Variants in ISX observed in about 807,000 individuals in gnomAD.
The protein encoded by ISX is intestine-specific homeobox.
ISX carries 15 observed loss-of-function variants against 16.9 expected under a neutral mutation model. That is an observed-to-expected ratio of 0.89 (90% CI 0.59 to 1.36). The LOEUF is 1.36. Among genes scored for constraint, ISX ranks in the 40% most tolerant of loss-of-function variants. The pLI, the probability that ISX is intolerant of heterozygous loss-of-function variation, is 0.00. For synonymous variants in ISX, 125 were observed against 119.7 expected (o/e 1.04, Z -0.29); for missense variants, 316 against 306.1 (o/e 1.03, Z -0.24).
chr22:35,067,468 C>G (rs550317083), intron 2 of ISX, 152 bp downstream of exon 2: 55 of 623,740 alleles, frequency 8.8e-5, no homozygotes, highest in Non-Finnish European at 1.3e-4. Flanking sequence ...CCTGATATAC[C>G]TTTCAATCTA....
At position 35,066,298 on chromosome 22, in the gene ISX, A is replaced by C. The variant is rs1253236467; in HGVS notation, c.-501A>C. On this transcript the variant is annotated 5_prime_UTR_variant, in exon 1 of 5. Coordinates refer to ENST00000404699, the MANE Select transcript of ISX (RefSeq NM_001303508.2). ...CGCATGTAAAGTGACGTCAGGGAAA[A>C]TAGAACAGAAAAAAAGCCAGGGCCA... 1 of 152,520 alleles carries C rather than the reference A, an allele frequency of 6.6e-6. No homozygotes were observed. The highest frequency in any genetic ancestry group is 1.5e-5 in the Non-Finnish European group (1 of 68,368). 9.4% of individuals were successfully genotyped at this position (152,520 alleles called of 1,614,324 possible).
chr22:35,075,257 T>A (rs989050348), intron 2 of ISX, among the ~76,000 whole-genome samples: 6 of 152,030 alleles, frequency 3.9e-5, no homozygotes, highest in African/African-American at 1.5e-4. Context: ...AAAGGAATAA[T>A]CCTTTGAGAA....
At position 35,066,874 on chromosome 22, in the gene ISX, G is replaced by T. The variant is rs563337377; in HGVS notation, c.-214G>T. Reference sequence around the variant, plus strand: ...ATGTCAAACTGGTAAGGGCTGAGCCGTGGGCACAGGATACCACTCCTTCCA... The same window carrying T: ...ATGTCAAACTGGTAAGGGCTGAGCCTTGGGCACAGGATACCACTCCTTCCA... On this transcript the variant is annotated 5_prime_UTR_variant, in exon 2 of 5. Coordinates refer to ENST00000404699, the MANE Select transcript of ISX (RefSeq NM_001303508.2). The T allele has an allele frequency of 1.8e-6, 1 of 552,584 alleles. No individual in the cohort carries two copies. The allele number at this position is 552,584 out of a possible 1,614,324, so 34.2% of individuals were successfully genotyped here.
At chr22:35,079,774 T>G (rs536762613) in intron 2 of ISX, among the ~76,000 whole-genome samples, 22 of 152,278 alleles carry the variant, frequency 1.4e-4, no homozygotes, top group African/African-American at 4.6e-4. Flanking sequence ...GGGAGAGGGT[T>G]TGTGCCTTTT....
At chr22:35,069,146 G>T (rs1440816910) in intron 2 of ISX, among the ~76,000 whole-genome samples, 1 of 152,142 alleles carries the variant, frequency 6.6e-6, no homozygotes, top group African/African-American at 2.4e-5. Context: ...TATTTATGAT[G>T]AAAGACACTG....
In ISX at chr22:35,071,530, G is replaced by A. The variant is rs578044386; in HGVS notation, c.229+4214G>A. Among the ~76,000 whole-genome samples, 6 of 152,240 alleles carry A rather than the reference G, an allele frequency of 3.9e-5. No individual in the cohort carries two copies. The South Asian group carries it at 1.0e-3, about 26-fold the overall frequency. ...GCCTCCATCTTCTCACAGCCTTGCC[G>A]TGTGTGTTTGTGTGTAATGTCCCTT... On this transcript the variant is annotated intron_variant, in intron 2 of 4. Transcript: ENST00000404699.
chr22:35,076,041 T>G (rs1043223051), intron 2 of ISX, among the ~76,000 whole-genome samples: 1 of 151,780 alleles, frequency 6.6e-6, no homozygotes, highest in Non-Finnish European at 1.5e-5. Context: ...CATAGAAAAT[T>G]TTTTTTTACA....
intron 2 of ISX, among the ~76,000 whole-genome samples, chr22:35,082,006 C>T (rs1337449417): frequency 2.0e-5 from 3 of 152,210 alleles, no homozygotes; most frequent in Admixed American, 2.0e-4. Context: ...CTTTACTTTG[C>T]AGACCAAGAC....
intron 2 of ISX, among the ~76,000 whole-genome samples, chr22:35,069,731 C>T (rs755443707): frequency 1.8e-4 from 27 of 152,302 alleles, no homozygotes; most frequent in Admixed American, 2.6e-4. Flanking sequence ...CCCTGTTTTA[C>T]GTCCCTCCTT....
intron 2 of ISX, among the ~76,000 whole-genome samples, chr22:35,070,002 T>C (rs1928807713): frequency 6.6e-6 from 1 of 152,150 alleles, no homozygotes. Flanking sequence ...TCCCAAATGA[T>C]TCTGATGTTG....
intron 2 of ISX, among the ~76,000 whole-genome samples, chr22:35,073,778 T>A (rs968955914): frequency 1.3e-5 from 2 of 152,238 alleles, no homozygotes; most frequent in African/African-American, 4.8e-5. Context: ...ACTTGAGGTC[T>A]AGGAGCCAGA....
In ISX at chr22:35,086,779, G is replaced by A. The variant is rs1486781309; in HGVS notation, c.*1086G>A. 6.6e-6 allele frequency: 1 copy of A among 152,270 alleles called. No homozygotes were observed. Among genetic ancestry groups the A allele is most frequent in the African/African-American group, 2.4e-5 (1 of 41,464 alleles). The allele number at this position is 152,270 out of a possible 1,614,324, so 9.4% of individuals were successfully genotyped here. On this transcript the variant is annotated 3_prime_UTR_variant, in exon 5 of 5. Transcript: ENST00000404699. ...GCTGCTTTGGATGCCAGCCCAGGAT[G>A]AGTAGTTCCTGTTCTCAGGGAGGTC...
intron 2 of ISX, among the ~76,000 whole-genome samples, chr22:35,076,265 A>G (rs1928977792): frequency 6.6e-6 from 1 of 152,248 alleles, no homozygotes; most frequent in African/African-American, 2.4e-5. Context: ...GACCTGGAAA[A>G]TAAAAGTGCA....
At chr22:35,076,413 T>C (rs551354372) in intron 2 of ISX, among the ~76,000 whole-genome samples, 1 of 152,358 alleles carries the variant, frequency 6.6e-6, no homozygotes, top group East Asian at 1.9e-4. Flanking sequence ...CCTTGTTCCC[T>C]GTGGGCACAG....
At chr22:35,067,970 G>C (rs911860008) in intron 2 of ISX, among the ~76,000 whole-genome samples, 5 of 152,252 alleles carry the variant, frequency 3.3e-5, no homozygotes, top group African/African-American at 1.2e-4. Context: ...GCTGGCTTGA[G>C]GAAGGGAGGA....
At chr22:35,085,412 G>A in intron 4 of ISX, 42 bp from the exon 5 acceptor site, 1 of 1,612,702 alleles carries the variant, frequency 6.2e-7, no homozygotes, top group Non-Finnish European at 8.5e-7. Context: ...TGCAGAGACA[G>A]CTTAGGACTC....
chr22:35,083,134 A>G (rs1443799073), intron 3 of ISX, among the ~76,000 whole-genome samples: 1 of 152,214 alleles, frequency 6.6e-6, no homozygotes, highest in Non-Finnish European at 1.5e-5. Context: ...ATGTAAACAC[A>G]CTTTATTTAT....
intron 4 of ISX, among the ~76,000 whole-genome samples, chr22:35,084,716 G>A (rs1440916604): frequency 2.0e-5 from 3 of 152,180 alleles, no homozygotes; most frequent in Non-Finnish European, 4.4e-5. Context: ...CTCCCTTAGT[G>A]AACATCATGG....
At position 35,085,883 on chromosome 22, in the gene ISX, C is replaced by T; in HGVS notation, c.*190C>T. Reference sequence around the variant, plus strand: ...AAGCAAACTAAACAATAAAGGACAGCTCTCTTCTCTCCTGGCTAAAGCTGC... The same window carrying T: ...AAGCAAACTAAACAATAAAGGACAGTTCTCTTCTCTCCTGGCTAAAGCTGC... On this transcript the variant is annotated 3_prime_UTR_variant, in exon 5 of 5. Transcript: ENST00000404699. 1.6e-6 allele frequency: 1 copy of T among 644,216 alleles called. No homozygotes were observed. Among genetic ancestry groups the T allele is most frequent in the Non-Finnish European group, 2.7e-6 (1 of 373,838 alleles). 39.9% of individuals were successfully genotyped at this position (644,216 alleles called of 1,614,324 possible). A position where few individuals can be genotyped will look rare whatever the true frequency, so the allele number is the denominator to read the frequency against.
Sources: gnomAD v4.1 joint callset for allele counts (sites outside exome capture counted in the v4.1 genomes callset) on GRCh38, gnomAD v4.1.1 for gene constraint, MANE v1.5 for transcripts, NCBI Gene and HGNC (gene_info 2026-07-23, HGNC 2026-07-21) for gene names.